FBXO36: variants seen among roughly 807,000 people sequenced by gnomAD.
FBXO36 encodes F-box only protein 36.
In FBXO36, 18 loss-of-function variants were observed where a neutral mutation model predicts 17.0. The observed-to-expected ratio is 1.06, with a 90% confidence interval of 0.73 to 1.57. The LOEUF is 1.57. Among genes scored for constraint, FBXO36 ranks in the 40% most tolerant of loss-of-function variants. The probability of loss-of-function intolerance (pLI) is 0.00; values close to 1 mark genes in which losing one functional copy is unlikely to be tolerated. For missense variants in FBXO36, 229 were observed against 221.9 expected, an observed-to-expected ratio of 1.03 and a Z score of -0.20; for synonymous variants, 83 against 85.3, an observed-to-expected ratio of 0.97 and a Z score of 0.15.
chr2:229,971,740 G>T (rs1284715098), intron 1 of FBXO36, among the ~76,000 whole-genome samples: 1 of 151,668 alleles, frequency 6.6e-6, no homozygotes, highest in Non-Finnish European at 1.5e-5. Context: ...CCATGCTAGA[G>T]TGCAGTGGTA....
rs566626005 is a variant in FBXO36, at chr2:229,961,739, A to G, written c.97-14502A>G. ...CTTTCCCCGAAAAAGGTGAATTTTGATTGGCTTTGCATTAGGTTTACATAT... is the reference window on the plus strand; with the variant it reads ...CTTTCCCCGAAAAAGGTGAATTTTGGTTGGCTTTGCATTAGGTTTACATAT... On this transcript the variant is annotated intron_variant, in intron 1 of 3. Transcript: ENST00000283946. Among the ~76,000 whole-genome samples the G allele has an allele frequency of 2.0e-5, 3 of 152,240 alleles. No homozygotes were observed. The South Asian group carries it at 6.2e-4, about 32-fold the overall frequency.
At chr2:229,924,639 T>A (rs973463041) in intron 1 of FBXO36, among the ~76,000 whole-genome samples, 3 of 152,220 alleles carry the variant, frequency 2.0e-5, no homozygotes, top group African/African-American at 7.2e-5. Flanking sequence ...TCTTGTTACC[T>A]TTTTATTTTA....
chr2:230,002,437 G>T (rs988425576), intron 3 of FBXO36, among the ~76,000 whole-genome samples: 4 of 150,950 alleles, frequency 2.6e-5, no homozygotes, highest in Non-Finnish European at 5.9e-5. Flanking sequence ...AGTCTGGAGT[G>T]CAATGGCATG....
chr2:229,989,727 AT>A (rs11313146), intron 2 of FBXO36, among the ~76,000 whole-genome samples: 80,763 of 120,852 alleles, frequency 0.67, 25,638 homozygotes, highest in East Asian at 0.73. Flanking sequence ...CGCCTGGCTA[AT>A]TTTTTTTTTT....
rs867083114 is a variant in FBXO36, at chr2:229,965,836, C to T, written c.97-10405C>T. Among the ~76,000 whole-genome samples the T allele has an allele frequency of 1.4e-4, 22 of 152,110 alleles. 3 individuals carry two copies. The highest frequency in any genetic ancestry group is 1.3e-3 in the Admixed American group (20 of 15,246). ...TGTGAATAGTGCCACAATAAACATA[C>T]GTGTGCATGTGTCTTTCTTTATAGC... On this transcript the variant is annotated intron_variant, in intron 1 of 3. Coordinates refer to ENST00000283946, the MANE Select transcript of FBXO36 (RefSeq NM_174899.5).
At chr2:229,982,065 C>T (rs1271348562) in intron 2 of FBXO36, among the ~76,000 whole-genome samples, 3 of 151,716 alleles carry the variant, frequency 2.0e-5, no homozygotes, top group Non-Finnish European at 1.5e-5. Context: ...ACTCTGTTGC[C>T]CAGGCTGGAG....
intron 1 of FBXO36, among the ~76,000 whole-genome samples, chr2:229,924,951 G>A (rs1179264289): frequency 6.6e-6 from 1 of 151,880 alleles, no homozygotes; most frequent in Non-Finnish European, 1.5e-5. Flanking sequence ...TGTATTTTTA[G>A]TTGAGATGGG....
At chr2:229,996,616 G>A (rs1269352466) in intron 2 of FBXO36, 135 bp from the exon 3 acceptor site, 5 of 958,256 alleles carry the variant, frequency 5.2e-6, no homozygotes, top group Admixed American at 5.6e-5. Flanking sequence ...GCAGCTCGGT[G>A]AAAGTAGGAA....
chr2:229,930,074 G>T (rs745858083), intron 1 of FBXO36, among the ~76,000 whole-genome samples: 1 of 152,156 alleles, frequency 6.6e-6, no homozygotes, highest in Non-Finnish European at 1.5e-5. Flanking sequence ...TTATCCAGGC[G>T]TGGTGGCTCA....
chr2:229,939,789 G>A (rs2076987929), intron 1 of FBXO36, among the ~76,000 whole-genome samples: 1 of 152,092 alleles, frequency 6.6e-6, no homozygotes, highest in Non-Finnish European at 1.5e-5. Context: ...GACCCTATAG[G>A]AGCTAAGAAC....
chr2:229,989,523 C>T (rs996848956), intron 2 of FBXO36, among the ~76,000 whole-genome samples: 88 of 151,440 alleles, frequency 5.8e-4, no homozygotes, highest in African/African-American at 2.1e-3. Context: ...TCCCAAAGTG[C>T]TGGGATTACA....
In FBXO36 at chr2:229,954,234, A is replaced by ATTTTTTTTTTTTTTTTTTTTTTTTT. The variant is rs60093081; in HGVS notation, c.97-22005_97-21981dup. 9.1e-4 allele frequency among the ~76,000 whole-genome samples: 65 copies of ATTTTTTTTTTTTTTTTTTTTTTTTT among 71,402 alleles called. 18 individuals are homozygous for ATTTTTTTTTTTTTTTTTTTTTTTTT. The highest frequency in any genetic ancestry group is 3.3e-3 in the East Asian group (7 of 2,130). The allele number at this position is 71,402 out of a possible 152,430, so 46.8% of individuals were successfully genotyped here. On this transcript the variant is annotated intron_variant, in intron 1 of 3. Coordinates refer to ENST00000283946, the MANE Select transcript of FBXO36 (RefSeq NM_174899.5). Reference sequence around the variant, plus strand: ...GCAACTGTCATTACAAACCCTTTGGATTTTTTTTTTTTTTTTTTTTTTTTT... The same window carrying ATTTTTTTTTTTTTTTTTTTTTTTTT: ...GCAACTGTCATTACAAACCCTTTGGATTTTTTTTTTTTTTTTTTTTTTTTTTTTTTTTTTTTTTTTTTTTTTTTTT...
chr2:229,943,848 C>G (rs1284685545), intron 1 of FBXO36, among the ~76,000 whole-genome samples: 1 of 152,140 alleles, frequency 6.6e-6, no homozygotes, highest in South Asian at 2.1e-4. Flanking sequence ...TCCTTGCCCC[C>G]ATCTCAGTTC....
chr2:229,924,106 A>T (rs1211217012), intron 1 of FBXO36, among the ~76,000 whole-genome samples: 5 of 133,848 alleles, frequency 3.7e-5, no homozygotes, highest in African/African-American at 5.8e-5. Flanking sequence ...TTGTTTATTT[A>T]TCGAGAGGGA....
chr2:229,945,516 G>A (rs530945175), intron 1 of FBXO36, among the ~76,000 whole-genome samples: 1 of 151,916 alleles, frequency 6.6e-6, no homozygotes, highest in South Asian at 2.1e-4. Flanking sequence ...ATGTTGGCCA[G>A]GCTGGTCTCA....
chr2:229,981,374 A>G (rs1409913578), intron 2 of FBXO36, among the ~76,000 whole-genome samples: 4 of 152,034 alleles, frequency 2.6e-5, no homozygotes, highest in Non-Finnish European at 4.4e-5. Flanking sequence ...AATACCTGAT[A>G]TATGAACAGA....
At chr2:229,987,976 T>G (rs911870177) in intron 2 of FBXO36, among the ~76,000 whole-genome samples, 9 of 152,244 alleles carry the variant, frequency 5.9e-5, no homozygotes, top group African/African-American at 1.9e-4. Flanking sequence ...TAAATTTTCT[T>G]TAACTGCTGC....
chr2:229,973,825 T>A (rs1321310265), intron 1 of FBXO36, among the ~76,000 whole-genome samples: 1 of 151,808 alleles, frequency 6.6e-6, no homozygotes, highest in Admixed American at 6.6e-5. Context: ...GGTGGGCAGA[T>A]CACTTGAGCC....
At chr2:230,001,109 T>TC (rs1400792410) in intron 3 of FBXO36, among the ~76,000 whole-genome samples, 3 of 152,040 alleles carry the variant, frequency 2.0e-5, no homozygotes, top group Admixed American at 1.3e-4. Context: ...TCCACCTACC[T>TC]CAGCCTCCCA....
Sources: gnomAD v4.1 joint callset for allele counts (sites outside exome capture counted in the v4.1 genomes callset) on GRCh38, gnomAD v4.1.1 for gene constraint, MANE v1.5 for transcripts, NCBI Gene and HGNC (gene_info 2026-07-23, HGNC 2026-07-21) for gene names.